The following ZNF577 variants were observed in gnomAD, a reference collection of about 807,000 sequenced individuals.
ZNF577 encodes the protein zinc finger protein 577.
Under a neutral mutation model 13.9 loss-of-function variants are expected in ZNF577, and 14 were observed. The observed-to-expected ratio is 1.00, with a 90% CI of 0.66 to 1.57. The LOEUF (loss-of-function observed/expected upper bound fraction) is 1.57. ZNF577 is among the 40% of genes most tolerant of loss of function. The pLI is 0.00. For synonymous variants in ZNF577, 203 were observed against 202.9 expected, an observed-to-expected ratio of 1.00 and a Z score of 0.00; for missense variants, 555 against 579.2, an observed-to-expected ratio of 0.96 and a Z score of 0.43.
At chr19:51,813,445 A>G (rs934309780) in intron 9 of ZNF577, among the ~76,000 whole-genome samples, 3 of 151,856 alleles carry the variant, frequency 2.0e-5, no homozygotes, top group African/African-American at 7.3e-5. Flanking sequence ...GGCCCAGGGA[A>G]TGATCTAAGG....
chr19:51,887,701 C>T lies in ZNF577; in HGVS notation c.-1099G>A, dbSNP rs1183900423. ...CCAGACTCTGGGAACTCCAACACGA[C>T]TGCGAAACGAACTCCGAGCGAGGAC... On this transcript the variant is annotated 5_prime_UTR_variant, in exon 1 of 6. Coordinates refer to ENST00000638348, the MANE Select transcript of ZNF577 (RefSeq NM_001370449.1). 6.6e-6 allele frequency: 1 copy of T among 152,202 alleles called. No homozygotes were observed. Among genetic ancestry groups the T allele is most frequent in the Non-Finnish European group, 1.5e-5 (1 of 68,058 alleles). 9.4% of individuals were successfully genotyped at this position (152,202 alleles called of 1,614,324 possible). A position where few individuals can be genotyped will look rare whatever the true frequency, so the allele number is the denominator to read the frequency against.
intron 10 of ZNF577, among the ~76,000 whole-genome samples, chr19:51,810,816 T>C (rs1042831550): frequency 6.6e-6 from 1 of 152,136 alleles, no homozygotes; most frequent in Non-Finnish European, 1.5e-5. Flanking sequence ...AACAACTTAC[T>C]CTAGTGGGGT....
intron 9 of ZNF577, among the ~76,000 whole-genome samples, chr19:51,822,232 C>G (rs1458429764): frequency 2.0e-5 from 3 of 152,172 alleles, no homozygotes; most frequent in Non-Finnish European, 4.4e-5. Context: ...CCAGGATATC[C>G]TCCCATAGTG....
At chr19:51,879,292 G>T (rs2084822003) in intron 3 of ZNF577, among the ~76,000 whole-genome samples, 1 of 150,746 alleles carries the variant, frequency 6.6e-6, no homozygotes, top group African/African-American at 2.4e-5. Context: ...TAATATGGCT[G>T]GGCATGGTGG....
intron 1 of ZNF577, among the ~76,000 whole-genome samples, chr19:51,885,611 A>C (rs573262250): frequency 1.0e-3 from 159 of 152,242 alleles, no homozygotes; most frequent in African/African-American, 3.8e-3. Context: ...TCCTGGGTTC[A>C]AGTGATTCTC....
chr19:51,824,158 G>A lies in ZNF577; in HGVS notation c.*600-12484C>T, dbSNP rs770018978. ...CATCCAGCCTGGGCCCAGAACCATC[G>A]CACCATGAGTCTGGCCAAGAGGGTG... On this transcript the variant is annotated intron_variant and NMD_transcript_variant, in intron 9 of 10. Coordinates refer to the ZNF577 transcript ENST00000638827. The surrounding 1 kb of genome is among the most constrained non-coding windows in gnomAD (Gnocchi z 4.7). 5 of 1,613,862 alleles carry A rather than the reference G, an allele frequency of 3.1e-6. No individual in the cohort carries two copies. Among genetic ancestry groups the A allele is most frequent in the Admixed American group, 1.7e-5 (1 of 59,992 alleles).
intron 10 of ZNF577, among the ~76,000 whole-genome samples, chr19:51,808,964 T>A (rs1168606512): frequency 6.6e-6 from 1 of 152,196 alleles, no homozygotes; most frequent in Non-Finnish European, 1.5e-5. Context: ...AGTGAGGCAG[T>A]GGGCAGAGGA....
At position 51,849,081 on chromosome 19, in the gene ZNF577, A is replaced by G. The variant is rs141040846; in HGVS notation, c.284-4150T>C. ...TTACCCCCTTTTAAAATATGTGCAC[A>G]TTTTCTGTCTCTTTTATTATATAAA... On this transcript the variant is annotated intron_variant and NMD_transcript_variant, in intron 5 of 10. Transcript: ENST00000638827. Among the ~76,000 whole-genome samples the G allele has an allele frequency of 1.1e-3, 174 of 152,152 alleles. 2 individuals are homozygous for G. The East Asian group carries it at 0.026, about 23-fold the overall frequency.
intron 2 of ZNF577, 106 bp from the exon 3 acceptor site, chr19:51,880,507 C>T (rs2084845220): frequency 2.2e-6 from 2 of 906,278 alleles, no homozygotes; most frequent in Non-Finnish European, 3.5e-6. Context: ...CCCCCTGATC[C>T]ATATATCTTG....
chr19:51,848,962 T>C (rs1460458491), intron 5 of ZNF577, among the ~76,000 whole-genome samples: 1 of 152,244 alleles, frequency 6.6e-6, no homozygotes, highest in African/African-American at 2.4e-5. Context: ...ATCATCTTTT[T>C]GATGTATGTA....
chr19:51,825,069 C>G, intron 9 of ZNF577: 4 of 384,308 alleles, frequency 1.0e-5, no homozygotes, highest in Non-Finnish European at 2.0e-5. Context: ...TTCCCCAAGT[C>G]TGCTCCTCCA....
intron 5 of ZNF577, chr19:51,861,287 G>GTT (rs557987704): frequency 5.5e-4 from 80 of 146,398 alleles, no homozygotes; most frequent in South Asian, 1.4e-3. Context: ...CTGGCTATTT[G>GTT]TTTTTTTTTT....
chr19:51,808,726 A>T (rs1160505098), intron 10 of ZNF577, among the ~76,000 whole-genome samples: 2 of 152,226 alleles, frequency 1.3e-5, no homozygotes, highest in Non-Finnish European at 2.9e-5. Context: ...GGAGATGGTG[A>T]AAGTTTTTGT....
chr19:51,877,138 C>T (rs1568448865), intron 5 of ZNF577, 144 bp downstream of exon 5: 19 of 616,594 alleles, frequency 3.1e-5, no homozygotes, highest in Non-Finnish European at 2.9e-6. Flanking sequence ...GGGATGGACA[C>T]AGATGCAGAA....
chr19:51,821,133 G>A (rs1217129686), intron 9 of ZNF577, among the ~76,000 whole-genome samples: 2 of 152,172 alleles, frequency 1.3e-5, no homozygotes, highest in Non-Finnish European at 2.9e-5. Flanking sequence ...AGATTTCCAT[G>A]TCCAGTCTCA....
intron 5 of ZNF577, among the ~76,000 whole-genome samples, chr19:51,876,831 G>A (rs958633472): frequency 1.3e-5 from 2 of 151,884 alleles, no homozygotes; most frequent in African/African-American, 4.8e-5. Context: ...GGGAGGCTGA[G>A]GCAGGAGAAT....
At position 51,852,194 on chromosome 19, in the gene ZNF577, A is replaced by G. The variant is rs147248891; in HGVS notation, c.284-7263T>C. Reference sequence around the variant, plus strand: ...GCCTTTAGCTTCCTGCTCTTTGGAAAGCTCATTTCAATCAAGTCTGCAGGA... The same window carrying G: ...GCCTTTAGCTTCCTGCTCTTTGGAAGGCTCATTTCAATCAAGTCTGCAGGA... On this transcript the variant is annotated intron_variant and NMD_transcript_variant, in intron 5 of 10. Coordinates refer to the ZNF577 transcript ENST00000638827. Among the ~76,000 whole-genome samples the G allele has an allele frequency of 4.6e-5, 7 of 152,312 alleles. No homozygotes were observed. In the East Asian group the frequency reaches 1.4e-3, roughly 29 times the overall value.
intron 8 of ZNF577, among the ~76,000 whole-genome samples, chr19:51,841,678 G>C (rs551279421): frequency 6.6e-6 from 1 of 152,102 alleles, no homozygotes; most frequent in African/African-American, 2.4e-5. Context: ...CAGCACTTTG[G>C]GGGGCCAAGG....
intron 9 of ZNF577, among the ~76,000 whole-genome samples, chr19:51,836,539 T>C (rs2084288354): frequency 6.6e-6 from 1 of 152,194 alleles, no homozygotes; most frequent in African/African-American, 2.4e-5. Context: ...TGTCCTTTGC[T>C]TACGTTTTAA....
Sources: allele counts gnomAD v4.1 joint callset (sites outside exome capture counted in the v4.1 genomes callset), GRCh38; gene constraint gnomAD v4.1.1; non-coding constraint Gnocchi (gnomAD v3.1); transcripts MANE v1.5; gene names NCBI Gene and HGNC (gene_info 2026-07-23, HGNC 2026-07-21).